Variants in HIP1 observed in about 807,000 individuals in gnomAD.
HIP1 encodes the protein huntingtin-interacting protein 1.
HIP1 carries 65 observed loss-of-function variants against 147.6 expected under a neutral mutation model. The ratio of observed to expected loss-of-function variants is 0.44; its 90% CI spans 0.36 to 0.54. The LOEUF is 0.54. Ranked by LOEUF, HIP1 falls within the 20% of genes least tolerant of loss-of-function variation. HIP1 has a pLI of 0.00. For missense variants in HIP1, 1,061 were observed against 1,299.6 expected (o/e 0.82, Z 2.82); for synonymous variants, 479 against 504.0 (o/e 0.95, Z 0.67).
intron 1 of HIP1, among the ~76,000 whole-genome samples, chr7:75,655,404 T>C (rs112973422): frequency 0.076 from 11,531 of 151,370 alleles, 837 homozygotes; most frequent in African/African-American, 0.19. Context: ...CATGGTAAAA[T>C]CCTGTCTCTA....
intron 1 of HIP1, among the ~76,000 whole-genome samples, chr7:75,618,926 G>C (rs1385735937): frequency 6.6e-6 from 1 of 151,974 alleles, no homozygotes; most frequent in Non-Finnish European, 1.5e-5. Context: ...AACCTCCTGG[G>C]CTCCAGTGAG....
rs559730775 is a variant in HIP1, at chr7:75,721,148, G to A, written c.120+17653C>T. 9.9e-5 allele frequency among the ~76,000 whole-genome samples: 15 copies of A among 152,030 alleles called. No individual in the cohort carries two copies. The South Asian group carries it at 1.9e-3, about 19-fold the overall frequency. The stretch of plus-strand genomic sequence containing the variant: ...TCCCAGCACTTTGGGAGGCCAAAGC[G>A]GGTGGATCACTTGAGGTCAGGAGTT... On this transcript the variant is annotated intron_variant, in intron 1 of 30. Transcript: ENST00000336926.
At chr7:75,683,361 G>A (rs1199912808) in intron 1 of HIP1, among the ~76,000 whole-genome samples, 2 of 152,116 alleles carry the variant, frequency 1.3e-5, no homozygotes, top group East Asian at 3.9e-4. Flanking sequence ...GAGCTGTAAT[G>A]GTCCCTTGTG....
Position 75,696,112 on chromosome 7 carries a change from T to C in HIP1, c.120+42689A>G, listed in dbSNP as rs544939732. The stretch of plus-strand genomic sequence containing the variant: ...AGCAATCCTCCTGCCTCACTCAGCC[T>C]CCCGAGTAGATGGGACAGGTGTGAG... On this transcript the variant is annotated intron_variant, in intron 1 of 30. Transcript: ENST00000336926. Among the ~76,000 whole-genome samples, 146 of 152,006 alleles carry C rather than the reference T, an allele frequency of 9.6e-4. 1 individual carries two copies. Among genetic ancestry groups the C allele is most frequent in the Non-Finnish European group, 1.6e-3 (112 of 67,986 alleles).
intron 1 of HIP1, among the ~76,000 whole-genome samples, chr7:75,704,551 C>T (rs887178368): frequency 1.9e-4 from 27 of 142,724 alleles, no homozygotes; most frequent in Non-Finnish European, 2.4e-4. Context: ...GCCTACATAA[C>T]AGCTTAATCA....
intron 1 of HIP1, among the ~76,000 whole-genome samples, chr7:75,690,265 CTT>C (rs1800402429): frequency 3.6e-5 from 4 of 112,642 alleles, no homozygotes; most frequent in Admixed American, 2.8e-4. Context: ...CAGAGTGAGA[CTT>C]TGTCACACAC....
At chr7:75,646,550 TAG>T (rs1192959190) in intron 1 of HIP1, among the ~76,000 whole-genome samples, 3 of 152,200 alleles carry the variant, frequency 2.0e-5, no homozygotes, top group African/African-American at 7.2e-5. Flanking sequence ...GACACTGAGA[TAG>T]AGAGACATTA....
chr7:75,693,391 G>A (rs1056063137), intron 1 of HIP1, among the ~76,000 whole-genome samples: 1 of 152,160 alleles, frequency 6.6e-6, no homozygotes, highest in South Asian at 2.1e-4. Flanking sequence ...CACCCCCCAC[G>A]CCAGTGCCCT....
intron 1 of HIP1, among the ~76,000 whole-genome samples, chr7:75,729,728 G>T (rs1408003562): frequency 1.3e-5 from 2 of 152,162 alleles, no homozygotes; most frequent in Non-Finnish European, 1.5e-5. Context: ...AGAGGTTGCA[G>T]TGAGCCGAGA....
At chr7:75,696,571 C>A (rs1584958475) in intron 1 of HIP1, among the ~76,000 whole-genome samples, 1 of 107,626 alleles carries the variant, frequency 9.3e-6, no homozygotes, top group Non-Finnish European at 1.9e-5. Context: ...CTTCCCCTCG[C>A]CTCCCCTCCC....
intron 1 of HIP1, among the ~76,000 whole-genome samples, chr7:75,716,817 C>CT (rs141757405): frequency 9.3e-4 from 138 of 148,054 alleles, no homozygotes; most frequent in African/African-American, 3.3e-3. Flanking sequence ...CCACGCCCAG[C>CT]TTTTTTTTAG....
At position 75,714,455 on chromosome 7, in the gene HIP1, CTT is replaced by C. The variant is rs71082343; in HGVS notation, c.120+24344_120+24345del. On this transcript the variant is annotated intron_variant, in intron 1 of 30. Transcript: ENST00000336926. ...CTTGTATTAACTAACATCTTTTTTTCTTTTTTTTTTTTTTTGAGACAGAGTCT... is the reference window on the plus strand; with the variant it reads ...CTTGTATTAACTAACATCTTTTTTTCTTTTTTTTTTTTTGAGACAGAGTCT... 3.0e-3 allele frequency among the ~76,000 whole-genome samples: 414 copies of C among 137,760 alleles called. 2 individuals are homozygous for C. The highest frequency in any genetic ancestry group is 0.019 in the Middle Eastern group (5 of 262). 90.4% of individuals were successfully genotyped at this position (137,760 alleles called of 152,430 possible).
Position 75,592,426 on chromosome 7 carries a change from G to A in HIP1, c.273C>T (p.Leu91=). ...GGAACACATGGCAGAACTTCCAGCA[G>A]AGCACTGCGTTGCTAGACAGAGGCA... The part of the protein sequence containing the change: ...NRLPLSSNAV[L]CWKFCHVFHK... The change falls in exon 3 of 31, where the codon CTC becomes CTT. Residue 91 remains leucine (L), a synonymous_variant. Coordinates refer to ENST00000336926, the MANE Select transcript of HIP1 (RefSeq NM_005338.7). The A allele has an allele frequency of 6.2e-7, 1 of 1,612,504 alleles. No individual in the cohort carries two copies. Among genetic ancestry groups the A allele is most frequent in the South Asian group, 1.1e-5 (1 of 91,054 alleles).
intron 2 of HIP1, among the ~76,000 whole-genome samples, chr7:75,595,603 C>G (rs61557879): frequency 0.38 from 57,336 of 151,748 alleles, 11,723 homozygotes; most frequent in African/African-American, 0.54. Context: ...CTTGGCCTCC[C>G]AAAGTTCTGG....
Position 75,573,808 on chromosome 7 carries a change from C to T in HIP1, c.698G>A (p.Ser233Asn). 1 of 1,614,156 alleles carries T rather than the reference C, an allele frequency of 6.2e-7. No individual in the cohort carries two copies. The highest frequency in any genetic ancestry group is 8.5e-7 in the Non-Finnish European group (1 of 1,180,014). Residue 233 changes from serine to asparagine, a missense_variant, in exon 8 of 31, where the codon AGC (serine) becomes AAC (asparagine). By Grantham distance (46) the Ser-to-Asn change is conservative. Around this residue, in one of 3 missense-constraint regions of HIP1, gnomAD observed 26 missense variants for 59.9 expected, o/e 0.43. Coordinates refer to ENST00000336926, the MANE Select transcript of HIP1 (RefSeq NM_005338.7). The part of the protein sequence containing the change: ...APLIQVILDC[S>N]HLYDYTVKLL... ...CTTGACAGTGTAGTCATAAAGGTGG[C>T]TGCAGTCCAAGATGACCTGGATCAG...
chr7:75,563,464 G>A (rs1237768827), intron 9 of HIP1: 4 of 580,566 alleles, frequency 6.9e-6, no homozygotes, highest in Middle Eastern at 4.6e-4. Flanking sequence ...TGCTGGTGAG[G>A]AAAGAGTAAT....
At chr7:75,649,290 C>T (rs536799296) in intron 1 of HIP1, among the ~76,000 whole-genome samples, 3 of 152,316 alleles carry the variant, frequency 2.0e-5, no homozygotes, top group South Asian at 4.1e-4. Context: ...TCCCAAAGTG[C>T]TGGGATTACA....
chr7:75,711,671 G>C (rs1584970180), intron 1 of HIP1, among the ~76,000 whole-genome samples: 1 of 152,200 alleles, frequency 6.6e-6, no homozygotes, highest in East Asian at 1.9e-4. Flanking sequence ...CAGAGGAGAG[G>C]ATAGAGGGGA....
chr7:75,721,150 G>C (rs1470130622), intron 1 of HIP1, among the ~76,000 whole-genome samples: 1 of 152,066 alleles, frequency 6.6e-6, no homozygotes, highest in Non-Finnish European at 1.5e-5. Flanking sequence ...GCCAAAGCGG[G>C]TGGATCACTT....
Sources: gnomAD v4.1 joint callset for allele counts (sites outside exome capture counted in the v4.1 genomes callset) on GRCh38, gnomAD v4.1.1 for gene constraint, gnomAD v4.1.1 regional missense constraint, MANE v1.5 for transcripts, NCBI Gene and HGNC (gene_info 2026-07-23, HGNC 2026-07-21) for gene names.